Variants in GTF3C1 observed in about 807,000 individuals in gnomAD.
GTF3C1 encodes general transcription factor 3C polypeptide 1.
A neutral mutation model predicts 226.7 loss-of-function variants in GTF3C1; 57 were observed. That is an observed-to-expected ratio of 0.25 (90% CI 0.20 to 0.31). GTF3C1 has a LOEUF of 0.31. GTF3C1 is among the 10% of genes least tolerant of loss of function. The probability of loss-of-function intolerance (pLI) is 1.00; values close to 1 mark genes in which losing one functional copy is unlikely to be tolerated. For synonymous variants in GTF3C1, 1,090 were observed against 1,084.8 expected, an observed-to-expected ratio of 1.00 and a Z score of -0.09; for missense variants, 2,217 against 2,776.1, an observed-to-expected ratio of 0.80 and a Z score of 4.53.
chr16:27,470,115 T>C lies in GTF3C1; in HGVS notation c.4807A>G (p.Ile1603Val), dbSNP rs572802359. The change falls in exon 31 of 37, where the codon ATC (isoleucine) becomes GTC (valine). Residue 1603 changes from isoleucine (I) to valine (V), a missense_variant. Ile to Val is a conservative substitution (Grantham distance 29). Around this residue, in one of 12 missense-constraint regions of GTF3C1, gnomAD observed 546 missense variants for 663.0 expected, o/e 0.82. Transcript: ENST00000356183. The surrounding 1 kb of genome is among the most constrained non-coding windows in gnomAD (Gnocchi z 4.9). ...VDSSMVENEV[I>V]KSLGKDGSLE... ...CGGATGCCGGACTCTTACCTTTTGA[T>C]GACCTCATTCTCCACCATTGAGCTG... The C allele has an allele frequency of 6.2e-7, 1 of 1,612,330 alleles. No individual in the cohort carries two copies. The highest frequency in any genetic ancestry group is 8.5e-7 in the Non-Finnish European group (1 of 1,178,800).
At chr16:27,508,048 T>C (rs2141405214) in intron 8 of GTF3C1, among the ~76,000 whole-genome samples, 1 of 152,370 alleles carries the variant, frequency 6.6e-6, no homozygotes, top group East Asian at 1.9e-4. Flanking sequence ...TCACTCTTGT[T>C]GCCCAGGTTG....
At chr16:27,499,133 T>A (rs114076679) in intron 12 of GTF3C1, among the ~76,000 whole-genome samples, 2,357 of 152,338 alleles carry the variant, frequency 0.015, 70 homozygotes, top group African/African-American at 0.054. Flanking sequence ...AGGGCTTCCA[T>A]CTGGAAAAGG....
At position 27,478,464 on chromosome 16, in the gene GTF3C1, C is replaced by CT. The variant is rs765849903; in HGVS notation, c.4259+4dup. ...GGAAAAGCTACTCTATATATCAGTA[C>CT]TTACCTGTTAAGTTCATCCTCTTTC... is the stretch of plus-strand genomic sequence containing the variant. On this transcript the variant is annotated splice_donor_region_variant and intron_variant, in intron 28 of 36. Coordinates refer to ENST00000356183, the MANE Select transcript of GTF3C1 (RefSeq NM_001520.4). 6.3e-7 allele frequency: 1 copy of CT among 1,579,216 alleles called. No individual in the cohort carries two copies. The highest frequency in any genetic ancestry group is 8.7e-7 in the Non-Finnish European group (1 of 1,148,272).
At chr16:27,477,686 A>G (rs1211383850) in intron 28 of GTF3C1, among the ~76,000 whole-genome samples, 1 of 152,254 alleles carries the variant, frequency 6.6e-6, no homozygotes, top group Non-Finnish European at 1.5e-5. Flanking sequence ...GATACAAAAT[A>G]TAAATTAATC....
At position 27,538,364 on chromosome 16, in the gene GTF3C1, T is replaced by C. The variant is rs1279522478; in HGVS notation, c.432-8A>G. 4 of 1,500,368 alleles carry C rather than the reference T, an allele frequency of 2.7e-6. No homozygotes were observed. The highest frequency in any genetic ancestry group is 3.6e-6 in the Non-Finnish European group (4 of 1,112,900). 92.9% of individuals were successfully genotyped at this position (1,500,368 alleles called of 1,614,324 possible). ...ATCAGTTTCTTCCCCCACCTGCAAA[T>C]CGGAAACAATCGCATGAAGAAATAA... is the stretch of plus-strand genomic sequence containing the variant. On this transcript the variant is annotated splice_polypyrimidine_tract_variant and splice_region_variant and intron_variant, in intron 2 of 36. Coordinates refer to ENST00000356183, the MANE Select transcript of GTF3C1 (RefSeq NM_001520.4).
At position 27,486,098 on chromosome 16, in the gene GTF3C1, T is replaced by C. The variant is rs768286364; in HGVS notation, c.3757A>G (p.Ser1253Gly). ...RLRYHDEADQ[S>G]ALQRMTRLRV... is the part of the protein sequence containing the mutation. Reference sequence around the variant, plus strand: ...AGCCGCGTCATCCGCTGCAGGGCACTCTGGTCGGCTTCATCATGGTAGCGC... The same window carrying C: ...AGCCGCGTCATCCGCTGCAGGGCACCCTGGTCGGCTTCATCATGGTAGCGC... The change falls in exon 24 of 37, where the codon AGT (serine) becomes GGT (glycine). Residue 1253 changes from serine to glycine, a missense_variant. Ser to Gly is a moderately conservative substitution (Grantham distance 56). This residue lies in a region of GTF3C1 where 546 missense variants were observed against 663.0 expected (regional missense o/e 0.82). Transcript: ENST00000356183. 6.2e-7 allele frequency: 1 copy of C among 1,606,770 alleles called. No individual in the cohort carries two copies. The highest frequency in any genetic ancestry group is 2.2e-5 in the East Asian group (1 of 44,826).
At chr16:27,542,068 G>A (rs2089092851) in intron 2 of GTF3C1, among the ~76,000 whole-genome samples, 1 of 152,226 alleles carries the variant, frequency 6.6e-6, no homozygotes, top group Non-Finnish European at 1.5e-5. Context: ...AAGCTCCTCT[G>A]TGGGCAGATT....
chr16:27,471,632 C>G lies in GTF3C1; in HGVS notation c.4526+116G>C. The G allele has an allele frequency of 1.3e-6, 1 of 779,604 alleles. No homozygotes were observed. The highest frequency in any genetic ancestry group is 1.7e-5 in the South Asian group (1 of 59,884). 48.3% of individuals were successfully genotyped at this position (779,604 alleles called of 1,614,324 possible). ...CCAAGCCGGCATCTTGCACATGAGGCTGCGAAGGTCCCTGGCTCCTACACG... is the reference window on the plus strand; with the variant it reads ...CCAAGCCGGCATCTTGCACATGAGGGTGCGAAGGTCCCTGGCTCCTACACG... On this transcript the variant is annotated intron_variant, in intron 30 of 36. Transcript: ENST00000356183. The surrounding 1 kb of genome is among the most constrained non-coding windows in gnomAD (Gnocchi z 5.0).
At chr16:27,510,169 A>T (rs1339251706) in intron 7 of GTF3C1, among the ~76,000 whole-genome samples, 1 of 152,170 alleles carries the variant, frequency 6.6e-6, no homozygotes, top group Non-Finnish European at 1.5e-5. Context: ...GTGGATCACG[A>T]GGTCAAGAGA....
intron 6 of GTF3C1, among the ~76,000 whole-genome samples, chr16:27,519,468 T>A (rs955433946): frequency 9.2e-5 from 14 of 152,144 alleles, no homozygotes; most frequent in African/African-American, 3.4e-4. Context: ...TGTCCTAGGC[T>A]GGTTTTACCT....
At chr16:27,509,542 G>A (rs1435384687) in intron 7 of GTF3C1, among the ~76,000 whole-genome samples, 1 of 151,960 alleles carries the variant, frequency 6.6e-6, no homozygotes, top group Non-Finnish European at 1.5e-5. Flanking sequence ...CGGATCACGA[G>A]GTCAGGAGAT....
chr16:27,496,952 G>T (rs1206730538), intron 14 of GTF3C1, among the ~76,000 whole-genome samples: 1 of 152,202 alleles, frequency 6.6e-6, no homozygotes, highest in Non-Finnish European at 1.5e-5. Flanking sequence ...GGGAAACCTT[G>T]AGAGTAAAGG....
chr16:27,533,768 G>C (rs2088957909), intron 4 of GTF3C1, among the ~76,000 whole-genome samples: 1 of 152,174 alleles, frequency 6.6e-6, no homozygotes, highest in African/African-American at 2.4e-5. Flanking sequence ...CACTTTGGGA[G>C]GCCGAGGCAG....
At chr16:27,498,851 C>T (rs912307080) in intron 12 of GTF3C1, 118 bp from the exon 13 acceptor site, 1 of 690,558 alleles carries the variant, frequency 1.4e-6, no homozygotes, top group Admixed American at 2.2e-5. Context: ...ATTTCCAAAA[C>T]ACGATTAGGA....
At position 27,488,921 on chromosome 16, in the gene GTF3C1, G is replaced by C. The variant is rs1386550868; in HGVS notation, c.3429+122C>G. The stretch of plus-strand genomic sequence containing the variant: ...AAAACAGGCCAGGCACACATTTAAG[G>C]GGCCTGACGCACCTTCAATACAAAC... On this transcript the variant is annotated intron_variant, in intron 21 of 36. Transcript: ENST00000356183. 5 of 896,806 alleles carry C rather than the reference G, an allele frequency of 5.6e-6. No individual in the cohort carries two copies. The African/African-American group carries it at 8.2e-5, about 15-fold the overall frequency. 55.6% of individuals were successfully genotyped at this position (896,806 alleles called of 1,614,324 possible). A position where few individuals can be genotyped will look rare whatever the true frequency, so the allele number is the denominator to read the frequency against.
At chr16:27,549,642 CG>C in intron 1 of GTF3C1, 27 bp downstream of exon 1, 1 of 1,036,300 alleles carries the variant, frequency 9.6e-7, no homozygotes, top group Non-Finnish European at 1.4e-6. Context: ...CCCGCCCGCC[CG>C]CCCGCCAGGC....
In GTF3C1 at chr16:27,476,520, C is replaced by T. The variant is rs756295844; in HGVS notation, c.4284G>A (p.Val1428=). 5 of 1,611,950 alleles carry T rather than the reference C, an allele frequency of 3.1e-6. No individual in the cohort carries two copies. In the Admixed American group the frequency reaches 6.7e-5, roughly 21 times the overall value. ...LNSVDDIHFL[V]LQNLIQSTLA... ...GCGTGCTCTGGATCAGGTTCTGAAG[C>T]ACCAGAAAGTGGATGTCATCCACGC... The change falls in exon 29 of 37, where the codon GTG becomes GTA. Residue 1428 remains valine (V), a synonymous_variant. Coordinates refer to ENST00000356183, the MANE Select transcript of GTF3C1 (RefSeq NM_001520.4).
chr16:27,516,669 T>A (rs1190231073), intron 6 of GTF3C1, among the ~76,000 whole-genome samples: 1 of 152,202 alleles, frequency 6.6e-6, no homozygotes, highest in African/African-American at 2.4e-5. Context: ...TGAGACAAAG[T>A]CTCGCTTTGT....
At chr16:27,490,997 A>AT (rs1419374742) in intron 19 of GTF3C1, among the ~76,000 whole-genome samples, 4 of 152,156 alleles carry the variant, frequency 2.6e-5, no homozygotes, top group African/African-American at 9.7e-5. Context: ...TGGTTCACAA[A>AT]TTTTTATCTA....
Sources: gnomAD v4.1 joint callset for allele counts (sites outside exome capture counted in the v4.1 genomes callset) on GRCh38, gnomAD v4.1.1 for gene constraint, gnomAD v4.1.1 regional missense constraint, Gnocchi (gnomAD v3.1) non-coding constraint, MANE v1.5 for transcripts, NCBI Gene and HGNC (gene_info 2026-07-23, HGNC 2026-07-21) for gene names.